The following CAT variants were observed in gnomAD, a reference collection of about 807,000 sequenced individuals.
CAT encodes the protein catalase.
Under a neutral mutation model 59.0 loss-of-function variants are expected in CAT, and 43 were observed. The ratio of observed to expected loss-of-function variants is 0.73; its 90% CI spans 0.57 to 0.94. The LOEUF is 0.94. CAT is among the 40% of genes least tolerant of loss of function. CAT has a pLI of 0.00. For synonymous variants in CAT, 218 were observed against 230.9 expected (o/e 0.94, Z 0.51); for missense variants, 664 against 682.9 (o/e 0.97, Z 0.31).
intron 3 of CAT, 150 bp downstream of exon 3, chr11:34,451,248 G>C (rs548989082): frequency 2.8e-6 from 2 of 704,038 alleles, no homozygotes; most frequent in East Asian, 5.4e-5. Context: ...CATATTTGGA[G>C]ACACATAGGA....
chr11:34,461,484 G>T (rs1016775312), intron 9 of CAT, 95 bp downstream of exon 9: 2 of 1,437,962 alleles, frequency 1.4e-6, no homozygotes, highest in African/African-American at 1.4e-5. Flanking sequence ...AGCTGGCCCC[G>T]CAGGACCTCC....
At position 34,461,239 on chromosome 11, in the gene CAT, T is replaced by G. The variant is rs2133856797; in HGVS notation, c.1057-12T>G. On this transcript the variant is annotated splice_polypyrimidine_tract_variant and intron_variant, in intron 8 of 12. Transcript: ENST00000241052. ...TGCCCCTAGTCAGTGTCTATTGTAT[T>G]TATTACTGCAGGGCCGCCTTTTTGC... The G allele has an allele frequency of 6.2e-7, 1 of 1,614,140 alleles. No individual in the cohort carries two copies. Among genetic ancestry groups the G allele is most frequent in the Non-Finnish European group, 8.5e-7 (1 of 1,179,954 alleles).
intron 8 of CAT, 45 bp from the exon 9 acceptor site, chr11:34,461,206 T>G: frequency 6.2e-7 from 1 of 1,605,898 alleles, no homozygotes; most frequent in African/African-American, 1.3e-5. Context: ...TCCTATGTTA[T>G]ATGTTACTGC....
chr11:34,444,578 G>A (rs1051264114), intron 1 of CAT, among the ~76,000 whole-genome samples: 10 of 152,140 alleles, frequency 6.6e-5, no homozygotes, highest in African/African-American at 1.9e-4. Flanking sequence ...GCTAGAAAAC[G>A]CTAGGCACAT....
intron 1 of CAT, among the ~76,000 whole-genome samples, chr11:34,443,571 C>CT (rs34138762): frequency 0.13 from 19,153 of 145,768 alleles, 1,603 homozygotes; most frequent in East Asian, 0.47. Context: ...AACCCATTTC[C>CT]TTTTTTTTTT....
At chr11:34,450,367 A>G (rs544110772) in intron 2 of CAT, among the ~76,000 whole-genome samples, 117 of 152,238 alleles carry the variant, frequency 7.7e-4, no homozygotes, top group Non-Finnish European at 6.8e-4. Flanking sequence ...TATCGCTGTT[A>G]TATCAGACAC....
At chr11:34,456,312 C>A in intron 7 of CAT, 110 bp downstream of exon 7, 1 of 837,482 alleles carries the variant, frequency 1.2e-6, no homozygotes, top group Non-Finnish European at 1.9e-6. Flanking sequence ...ATACAAAATA[C>A]AGAGGGTACC....
In CAT at chr11:34,471,662, A is replaced by T. The variant is rs1049324469; in HGVS notation, c.*229A>T. 1.8e-6 allele frequency: 1 copy of T among 549,336 alleles called. No individual in the cohort carries two copies. The highest frequency in any genetic ancestry group is 1.9e-5 in the African/African-American group (1 of 52,788). 34.0% of individuals were successfully genotyped at this position (549,336 alleles called of 1,614,324 possible). A position where few individuals can be genotyped will look rare whatever the true frequency, so the allele number is the denominator to read the frequency against. On this transcript the variant is annotated 3_prime_UTR_variant, in exon 13 of 13. Transcript: ENST00000241052. ...TTAAAAAAAAAATTTGTTTTGACGGATGATTGGATTATTCATTTAAAATGA... is the reference window on the plus strand; with the variant it reads ...TTAAAAAAAAAATTTGTTTTGACGGTTGATTGGATTATTCATTTAAAATGA...
intron 10 of CAT, 98 bp from the exon 11 acceptor site, chr11:34,468,190 T>A: frequency 4.4e-6 from 4 of 899,434 alleles, no homozygotes; most frequent in Non-Finnish European, 7.5e-6. Context: ...CTTCTAAAGT[T>A]TTTTTTATCA....
rs767766536 is a variant in CAT at position 34,452,106 on chromosome 11, C to A, written c.379C>A (p.Arg127=). ...AGAATCGGGTTCAGCTGACACAGTT[C>A]GGGACCCTCGTGGGTTTGCAGTGAA... is the stretch of plus-strand genomic sequence containing the variant. The part of the protein sequence containing the change: ...AGESGSADTV[R]DPRGFAVKFY... The change falls in exon 4 of 13, where the codon CGG becomes AGG. Residue 127 remains arginine, a synonymous_variant. Transcript: ENST00000241052. 8.1e-6 allele frequency: 13 copies of A among 1,613,742 alleles called. No homozygotes were observed. Among genetic ancestry groups the A allele is most frequent in the South Asian group, 1.1e-5 (1 of 91,066 alleles).
At chr11:34,448,129 C>A (rs1404028599) in intron 1 of CAT, among the ~76,000 whole-genome samples, 1 of 152,202 alleles carries the variant, frequency 6.6e-6, no homozygotes. Context: ...ACCGTATTGC[C>A]TTCTAGAGAA....
At chr11:34,470,625 G>GT (rs1856763182) in intron 11 of CAT, 1 of 366,002 alleles carries the variant, frequency 2.7e-6, no homozygotes, top group Admixed American at 3.7e-5. Context: ...CATTCGAAGG[G>GT]TTTTAGATCT....
intron 8 of CAT, among the ~76,000 whole-genome samples, chr11:34,458,603 G>T (rs968174233): frequency 1.3e-5 from 2 of 152,218 alleles, no homozygotes; most frequent in Non-Finnish European, 2.9e-5. Flanking sequence ...GATTTGCCAA[G>T]GCATGAAATT....
At chr11:34,450,186 A>C (rs541835891) in intron 2 of CAT, among the ~76,000 whole-genome samples, 44 of 152,352 alleles carry the variant, frequency 2.9e-4, no homozygotes, top group African/African-American at 1.1e-3. Flanking sequence ...GACCTGCTGT[A>C]CAGAAATACA....
At chr11:34,443,455 G>A (rs1306027540) in intron 1 of CAT, among the ~76,000 whole-genome samples, 1 of 152,178 alleles carries the variant, frequency 6.6e-6, no homozygotes, top group Non-Finnish European at 1.5e-5. Context: ...GCAGGAGGGA[G>A]GTGGTTGTGC....
intron 11 of CAT, among the ~76,000 whole-genome samples, chr11:34,470,472 C>T (rs17884725): frequency 0.018 from 2,735 of 152,262 alleles, 96 homozygotes; most frequent in African/African-American, 0.059. Flanking sequence ...CAATCTCCAG[C>T]CCCTCTCCCA....
intron 3 of CAT, 65 bp downstream of exon 3, chr11:34,451,163 A>T (rs2133182231): frequency 1.0e-6 from 1 of 960,682 alleles, no homozygotes; most frequent in Middle Eastern, 2.1e-4. Context: ...GGATGTTTAT[A>T]ACTTAAAGAA....
intron 6 of CAT, 27 bp from the exon 7 acceptor site, chr11:34,455,984 T>C (rs574370092): frequency 8.7e-6 from 14 of 1,604,278 alleles, no homozygotes; most frequent in African/African-American, 8.0e-5. Context: ...TAAGTTTCCA[T>C]TGGAGCTTCT....
chr11:34,464,124 C>T lies in CAT; in HGVS notation c.1215C>T (p.Tyr405=), dbSNP rs768886685. ...QDNQGGAPNY[Y]PNSFGAPEQQ... ...TTGAAGGTGGTGCTCCAAATTACTACCCCAACAGCTTTGGTGCTCCGGAAC... is the reference window on the plus strand; with the variant it reads ...TTGAAGGTGGTGCTCCAAATTACTATCCCAACAGCTTTGGTGCTCCGGAAC... Residue 405 remains tyrosine (Y), a synonymous_variant, in exon 10 of 13, where the codon TAC becomes TAT. Coordinates refer to ENST00000241052, the MANE Select transcript of CAT (RefSeq NM_001752.4). The T allele has an allele frequency of 6.8e-6, 11 of 1,614,004 alleles. No individual in the cohort carries two copies. In the Admixed American group the frequency reaches 1.5e-4, roughly 22 times the overall value.
Sources: gnomAD v4.1 joint callset for allele counts (sites outside exome capture counted in the v4.1 genomes callset) on GRCh38, gnomAD v4.1.1 for gene constraint, MANE v1.5 for transcripts, NCBI Gene and HGNC (gene_info 2026-07-23, HGNC 2026-07-21) for gene names.